Variants in KDM7A observed in about 807,000 individuals in gnomAD.
KDM7A encodes the protein lysine-specific demethylase 7A.
KDM7A carries 28 observed loss-of-function variants against 114.8 expected under a neutral mutation model. That is an observed-to-expected ratio of 0.24 (90% CI 0.18 to 0.33). The LOEUF is 0.33. Among genes scored for constraint, KDM7A ranks in the 10% least tolerant of loss-of-function variants. The pLI, the probability that KDM7A is intolerant of heterozygous loss-of-function variation, is 1.00. For missense variants in KDM7A, 942 were observed against 1,142.5 expected, an observed-to-expected ratio of 0.82 and a Z score of 2.53; for synonymous variants, 423 against 397.8, an observed-to-expected ratio of 1.06 and a Z score of -0.75.
intron 1 of KDM7A, among the ~76,000 whole-genome samples, chr7:140,143,170 A>AC (rs2116826289): frequency 7.5e-6 from 1 of 134,158 alleles, no homozygotes; most frequent in East Asian, 2.2e-4. Context: ...ACAGAGCAAG[A>AC]CCCCGTCTCA....
intron 1 of KDM7A, among the ~76,000 whole-genome samples, chr7:140,164,006 G>A (rs189804317): frequency 3.0e-4 from 45 of 152,224 alleles, no homozygotes; most frequent in African/African-American, 1.1e-3. Context: ...TTGATCAATG[G>A]CAGCCAGCAT....
At chr7:140,175,990 G>A (rs936112950) in intron 1 of KDM7A, among the ~76,000 whole-genome samples, 4 of 151,302 alleles carry the variant, frequency 2.6e-5, no homozygotes, top group South Asian at 2.1e-4. Context: ...CCGGCGACCC[G>A]GGTGTGTGCG....
At position 140,090,416 on chromosome 7, in the gene KDM7A, T is replaced by G. The variant is rs1817999257; in HGVS notation, c.*678A>C. Reference sequence around the variant, plus strand: ...TGGGATATAAGGTAATCAACCTGGATAACAGTATGCACCTTGGATGTTAGC... The same window carrying G: ...TGGGATATAAGGTAATCAACCTGGAGAACAGTATGCACCTTGGATGTTAGC... On this transcript the variant is annotated 3_prime_UTR_variant, in exon 20 of 20. Coordinates refer to ENST00000397560, the MANE Select transcript of KDM7A (RefSeq NM_030647.2). 1 of 152,210 alleles carries G rather than the reference T, an allele frequency of 6.6e-6. No homozygotes were observed. The highest frequency in any genetic ancestry group is 2.1e-4 in the South Asian group (1 of 4,836). 9.4% of individuals were successfully genotyped at this position (152,210 alleles called of 1,614,324 possible). A position where few individuals can be genotyped will look rare whatever the true frequency, so the allele number is the denominator to read the frequency against.
In KDM7A at chr7:140,176,784, T is replaced by C; in HGVS notation, c.154A>G (p.Met52Val). ...TCCTTGCAGATATCGCACTCGATCA[T>C]GAAGCGGTTCACGTCGTACGGCTGC... ...CRQPYDVNRFMIECDICKDWF... is the reference protein window; with the variant it reads ...CRQPYDVNRFVIECDICKDWF... Residue 52 changes from methionine to valine, a missense_variant, in exon 1 of 20, where the codon ATG (methionine) becomes GTG (valine). Coordinates refer to ENST00000397560, the MANE Select transcript of KDM7A (RefSeq NM_030647.2). This position sits in a 1 kb window ranked among gnomAD's most constrained non-coding sequence, Gnocchi z 4.4. 7.0e-7 allele frequency: 1 copy of C among 1,421,768 alleles called. No homozygotes were observed. The highest frequency in any genetic ancestry group is 9.4e-7 in the Non-Finnish European group (1 of 1,066,164). 88.1% of individuals were successfully genotyped at this position (1,421,768 alleles called of 1,614,324 possible).
At chr7:140,166,943 A>ACAAACAATAACCAACAG (rs939580770) in intron 1 of KDM7A, among the ~76,000 whole-genome samples, 11 of 152,326 alleles carry the variant, frequency 7.2e-5, no homozygotes, top group African/African-American at 9.6e-5. Context: ...CATTTAAAAA[A>ACAAACAATAACCAACAG]CAAACAATAA....
chr7:140,096,007 C>T (rs1818103136), intron 17 of KDM7A, among the ~76,000 whole-genome samples: 1 of 152,078 alleles, frequency 6.6e-6, no homozygotes. Context: ...TAATATAGTA[C>T]TATCTTCTCC....
chr7:140,127,340 C>T (rs2116803264), intron 5 of KDM7A, 102 bp downstream of exon 5: 1 of 1,007,038 alleles, frequency 9.9e-7, no homozygotes, highest in East Asian at 2.4e-5. Flanking sequence ...CACTGGACAA[C>T]TTTAGAAGTC....
At chr7:140,129,684 T>A (rs780116621) in intron 3 of KDM7A, 31 bp from the exon 4 acceptor site, 1 of 1,465,874 alleles carries the variant, frequency 6.8e-7, no homozygotes, top group African/African-American at 1.4e-5. Flanking sequence ...AAAAATGTCA[T>A]TTTTATTGGT....
intron 17 of KDM7A, among the ~76,000 whole-genome samples, chr7:140,094,468 G>GC (rs1818072102): frequency 6.6e-6 from 1 of 151,794 alleles, no homozygotes; most frequent in South Asian, 2.1e-4. Context: ...TCATGCCACT[G>GC]CATTCCAGCC....
chr7:140,095,096 C>T (rs1818084002), intron 17 of KDM7A, among the ~76,000 whole-genome samples: 3 of 152,332 alleles, frequency 2.0e-5, no homozygotes, highest in Admixed American at 6.5e-5. Flanking sequence ...GATCCGCCCA[C>T]CTCGGCCTCC....
intron 1 of KDM7A, among the ~76,000 whole-genome samples, chr7:140,153,517 A>G (rs937202350): frequency 1.3e-5 from 2 of 152,168 alleles, no homozygotes; most frequent in African/African-American, 2.4e-5. Context: ...TAATCACACA[A>G]GCTGAAATCA....
intron 7 of KDM7A, among the ~76,000 whole-genome samples, chr7:140,124,219 G>A (rs1460982667): frequency 6.6e-6 from 1 of 152,050 alleles, no homozygotes; most frequent in Non-Finnish European, 1.5e-5. Flanking sequence ...CAGGGGCTCA[G>A]TGGAGGCGGG....
chr7:140,094,233 G>T, intron 17 of KDM7A, 95 bp from the exon 18 acceptor site: 1 of 803,848 alleles, frequency 1.2e-6, no homozygotes, highest in Non-Finnish European at 2.2e-6. Context: ...GGTTGGGCGT[G>T]ATGGCTCACG....
intron 15 of KDM7A, among the ~76,000 whole-genome samples, chr7:140,097,340 A>G (rs1284375950): frequency 6.6e-6 from 1 of 152,230 alleles, no homozygotes; most frequent in Non-Finnish European, 1.5e-5. Flanking sequence ...ACCCTTTCCA[A>G]AATCAGACAA....
rs965446961 is a variant in KDM7A, at chr7:140,088,682, T to C, written c.*2412A>G. On this transcript the variant is annotated 3_prime_UTR_variant, in exon 20 of 20. Coordinates refer to ENST00000397560, the MANE Select transcript of KDM7A (RefSeq NM_030647.2). ...GACACATGGATTCTATTCAAGTGGTTCTATTACCTCGCTGAAAGTTTTCTA... is the reference window on the plus strand; with the variant it reads ...GACACATGGATTCTATTCAAGTGGTCCTATTACCTCGCTGAAAGTTTTCTA... 2 of 392,254 alleles carry C rather than the reference T, an allele frequency of 5.1e-6. No homozygotes were observed. The highest frequency in any genetic ancestry group is 9.0e-6 in the Non-Finnish European group (2 of 222,356). The allele number at this position is 392,254 out of a possible 1,614,324, so 24.3% of individuals were successfully genotyped here.
chr7:140,102,462 A>C (rs1818247029), intron 11 of KDM7A, among the ~76,000 whole-genome samples: 1 of 151,372 alleles, frequency 6.6e-6, no homozygotes, highest in South Asian at 2.1e-4. Flanking sequence ...GCCTCACCGC[A>C]ATCTCCACCT....
chr7:140,140,742 CAAA>C (rs56713880), intron 1 of KDM7A, among the ~76,000 whole-genome samples: 5,911 of 116,038 alleles, frequency 0.051, 360 homozygotes, highest in African/African-American at 0.17. Flanking sequence ...GACTTCATCT[CAAA>C]AAAAAAAAAA....
intron 1 of KDM7A, among the ~76,000 whole-genome samples, chr7:140,171,867 T>C (rs1178697482): frequency 6.6e-6 from 1 of 152,080 alleles, no homozygotes; most frequent in Non-Finnish European, 1.5e-5. Context: ...TATTCTTTTT[T>C]ACAGCTTGGT....
At chr7:140,157,478 C>T (rs549290066) in intron 1 of KDM7A, among the ~76,000 whole-genome samples, 20 of 152,104 alleles carry the variant, frequency 1.3e-4, no homozygotes, top group African/African-American at 4.6e-4. Flanking sequence ...CATAGTGAGA[C>T]TCTGACTCTA....
Sources: allele counts gnomAD v4.1 joint callset (sites outside exome capture counted in the v4.1 genomes callset), GRCh38; gene constraint gnomAD v4.1.1; non-coding constraint Gnocchi (gnomAD v3.1); transcripts MANE v1.5; gene names NCBI Gene and HGNC (gene_info 2026-07-23, HGNC 2026-07-21).